KSR2: variants seen among roughly 807,000 people sequenced by gnomAD.
KSR2 encodes kinase suppressor of ras 2.
Under a neutral mutation model 107.8 loss-of-function variants are expected in KSR2, and 25 were observed. The observed-to-expected ratio is 0.23, with a 90% CI of 0.17 to 0.32. The LOEUF is 0.32. KSR2 is among the 10% of genes least tolerant of loss of function. The pLI is 1.00. For missense variants in KSR2, 887 were observed against 1,268.9 expected (o/e 0.70, Z 4.57); for synonymous variants, 480 against 507.0 (o/e 0.95, Z 0.71).
intron 5 of KSR2, among the ~76,000 whole-genome samples, chr12:117,606,872 C>G (rs1881308231): frequency 6.6e-6 from 1 of 151,950 alleles, no homozygotes; most frequent in East Asian, 2.0e-4. Flanking sequence ...TGTGAAGATA[C>G]AGTCACAAAT....
intron 3 of KSR2, among the ~76,000 whole-genome samples, chr12:117,840,182 C>T (rs1892409696): frequency 6.6e-6 from 1 of 151,498 alleles, no homozygotes; most frequent in Non-Finnish European, 1.5e-5. Flanking sequence ...TCTGCAGCGT[C>T]CGCCTCCAGG....
chr12:117,835,008 G>A (rs137971458), intron 3 of KSR2, among the ~76,000 whole-genome samples: 150 of 152,304 alleles, frequency 9.8e-4, no homozygotes, highest in African/African-American at 2.5e-3. Flanking sequence ...GCAGCTCACT[G>A]GCTGGGCATG....
intron 9 of KSR2, among the ~76,000 whole-genome samples, chr12:117,542,373 T>C (rs76319119): frequency 0.042 from 6,394 of 152,260 alleles, 456 homozygotes; most frequent in African/African-American, 0.15. Context: ...TTTGAGATCA[T>C]TGTGGATTCA....
chr12:117,841,462 C>T (rs1221876146), intron 3 of KSR2, among the ~76,000 whole-genome samples: 1 of 152,088 alleles, frequency 6.6e-6, no homozygotes, highest in African/African-American at 2.4e-5. Flanking sequence ...CATATGGTTG[C>T]GAGGCTAAAA....
chr12:117,794,307 A>ACT (rs1890497489), intron 3 of KSR2, among the ~76,000 whole-genome samples: 1 of 41,282 alleles, frequency 2.4e-5, no homozygotes, highest in Admixed American at 3.0e-4. Context: ...CAACATGCAC[A>ACT]CACACCAACA....
At chr12:117,919,430 C>T (rs1895279226) in intron 1 of KSR2, among the ~76,000 whole-genome samples, 1 of 152,206 alleles carries the variant, frequency 6.6e-6, no homozygotes, top group South Asian at 2.1e-4. Flanking sequence ...GAGGGATCAT[C>T]AGCTTTGAAC....
Position 117,454,064 on chromosome 12 carries a change from C to T in KSR2, c.*13135G>A, listed in dbSNP as rs2137083187. On this transcript the variant is annotated 3_prime_UTR_variant, in exon 20 of 20. Coordinates refer to ENST00000339824, the MANE Select transcript of KSR2 (RefSeq NM_173598.6). ...ACCCACCACCTCGCTATTCTAGTCC[C>T]TTATTTTTCAGGAATGTCCCCCTAG... The T allele has an allele frequency of 6.6e-6, 1 of 152,258 alleles. No homozygotes were observed. Among genetic ancestry groups the T allele is most frequent in the African/African-American group, 2.4e-5 (1 of 41,546 alleles). The allele number at this position is 152,258 out of a possible 1,614,324, so 9.4% of individuals were successfully genotyped here. A position where few individuals can be genotyped will look rare whatever the true frequency, so the allele number is the denominator to read the frequency against.
chr12:117,601,815 C>G (rs1305303226), intron 5 of KSR2, among the ~76,000 whole-genome samples: 1 of 152,224 alleles, frequency 6.6e-6, no homozygotes, highest in Non-Finnish European at 1.5e-5. Context: ...GTCCAACTCT[C>G]TGCCTCCAGA....
intron 1 of KSR2, among the ~76,000 whole-genome samples, chr12:117,942,989 T>G (rs542086073): frequency 6.6e-6 from 1 of 152,198 alleles, no homozygotes; most frequent in Non-Finnish European, 1.5e-5. Flanking sequence ...AAAATATAGT[T>G]TTGACACTGA....
intron 3 of KSR2, among the ~76,000 whole-genome samples, chr12:117,784,535 G>A (rs550454880): frequency 6.6e-6 from 1 of 152,246 alleles, no homozygotes; most frequent in Non-Finnish European, 1.5e-5. Flanking sequence ...GTACCAAATA[G>A]GGAGTTGTTC....
intron 7 of KSR2, among the ~76,000 whole-genome samples, chr12:117,571,024 G>A (rs548276254): frequency 2.6e-5 from 4 of 152,158 alleles, no homozygotes; most frequent in South Asian, 2.1e-4. Flanking sequence ...TTGGGGAGCC[G>A]AAGCAGGCAG....
At position 117,558,539 on chromosome 12, in the gene KSR2, G is replaced by A. The variant is rs868121419; in HGVS notation, c.1360C>T (p.Pro454Ser). ...KCHNKCTKEA[P>S]PCHLLIIHRG... ...TGGATGATCAGAAGATGACAGGGTG[G>A]GGCTTCTTTGGTGCATTTGTTGTGG... Residue 454 changes from proline to serine, a missense_variant, in exon 8 of 20, where the codon CCA becomes TCA. Transcript: ENST00000339824. The A allele has an allele frequency of 6.2e-7, 1 of 1,613,804 alleles. No individual in the cohort carries two copies. Among genetic ancestry groups the A allele is most frequent in the Non-Finnish European group, 8.5e-7 (1 of 1,179,808 alleles).
intron 1 of KSR2, among the ~76,000 whole-genome samples, chr12:117,862,985 T>TC (rs1328539703): frequency 6.6e-6 from 1 of 152,082 alleles, no homozygotes; most frequent in Non-Finnish European, 1.5e-5. Context: ...TGCCTCAGCC[T>TC]CCCAAAGTGC....
chr12:117,486,382 C>T (rs890022911), intron 14 of KSR2, among the ~76,000 whole-genome samples: 8 of 152,166 alleles, frequency 5.3e-5, no homozygotes, highest in East Asian at 3.8e-4. Flanking sequence ...CCTGTTCCTC[C>T]GCAGTGAGCA....
intron 3 of KSR2, among the ~76,000 whole-genome samples, chr12:117,829,034 G>T (rs1006888293): frequency 6.6e-6 from 1 of 152,158 alleles, no homozygotes; most frequent in African/African-American, 2.4e-5. Context: ...CCAGTATGAT[G>T]AACTCAGTCA....
At chr12:117,935,793 T>G (rs1445445222) in intron 1 of KSR2, among the ~76,000 whole-genome samples, 1 of 152,072 alleles carries the variant, frequency 6.6e-6, no homozygotes, top group Non-Finnish European at 1.5e-5. Flanking sequence ...GCTCTCATGA[T>G]CTGGTCCCAC....
intron 3 of KSR2, among the ~76,000 whole-genome samples, chr12:117,838,381 C>A (rs1892327591): frequency 6.6e-6 from 1 of 152,170 alleles, no homozygotes; most frequent in Non-Finnish European, 1.5e-5. Context: ...GTTAGCCAGA[C>A]TGGTCTCGAA....
chr12:117,967,329 C>G (rs1175170865), intron 1 of KSR2, among the ~76,000 whole-genome samples: 1 of 152,196 alleles, frequency 6.6e-6, no homozygotes, highest in Non-Finnish European at 1.5e-5. Context: ...CCCCTTTCCT[C>G]TTTCCTCACA....
intron 12 of KSR2, among the ~76,000 whole-genome samples, chr12:117,528,067 G>A (rs139381568): frequency 2.2e-4 from 33 of 151,922 alleles, no homozygotes; most frequent in African/African-American, 6.0e-4. Flanking sequence ...AGATGCTGGC[G>A]GGGCGTCACA....
Sources: allele counts gnomAD v4.1 joint callset (sites outside exome capture counted in the v4.1 genomes callset), GRCh38; gene constraint gnomAD v4.1.1; transcripts MANE v1.5; gene names NCBI Gene and HGNC (gene_info 2026-07-23, HGNC 2026-07-21).